The following FANCD2 variants were observed in gnomAD, a reference collection of about 807,000 sequenced individuals.
The protein encoded by FANCD2 is FA complementation group D2.
FANCD2 carries 131 observed loss-of-function variants against 192.3 expected under a neutral mutation model. That is an observed-to-expected ratio of 0.68 (90% CI 0.59 to 0.79). The LOEUF is 0.79. FANCD2 is among the 30% of genes least tolerant of loss of function. FANCD2 has a pLI of 0.00. For synonymous variants in FANCD2, 524 were observed against 612.5 expected, an observed-to-expected ratio of 0.86 and a Z score of 2.13; for missense variants, 1,508 against 1,701.6, an observed-to-expected ratio of 0.89 and a Z score of 2.00.
chr3:10,090,229 C>A (rs569719540), intron 36 of FANCD2, 63 bp from the exon 37 acceptor site: 1 of 1,246,862 alleles, frequency 8.0e-7, no homozygotes, highest in Non-Finnish European at 1.2e-6. Flanking sequence ...GTTCCTGGTT[C>A]TTCCCAGGTA....
rs760823688 is a variant in FANCD2, at chr3:10,088,495, T to G, written c.3513T>G (p.Asp1171Glu). ...QFLCRVWPSG[D>E]KEKSNISNDQ... The stretch of plus-strand genomic sequence containing the variant: ...TCTGTCGGGTGTGGCCAAGTGGGGA[T>G]AAAGAGAAGAGCAACATCTCTAATG... Residue 1171 changes from aspartate to glutamate, a missense_variant, in exon 35 of 44, where the codon GAT (aspartate) becomes GAG (glutamate). By Grantham distance (45) the Asp-to-Glu change is conservative. Coordinates refer to ENST00000675286, the MANE Select transcript of FANCD2 (RefSeq NM_001018115.3). 4 of 1,613,080 alleles carry G rather than the reference T, an allele frequency of 2.5e-6. No homozygotes were observed. The Admixed American group carries it at 6.7e-5, about 27-fold the overall frequency.
In FANCD2 at chr3:10,101,364, C is replaced by CT; in HGVS notation, c.*108dup. ...GTTTGCCTTTCTTACTGGTAGGATC[C>CT]TTTTTTGTTCCTCTTTTTTTTTTTT... On this transcript the variant is annotated 3_prime_UTR_variant, in exon 44 of 44. Coordinates refer to ENST00000675286, the MANE Select transcript of FANCD2 (RefSeq NM_001018115.3). 2 of 675,902 alleles carry CT rather than the reference C, an allele frequency of 3.0e-6. No individual in the cohort carries two copies. The highest frequency in any genetic ancestry group is 2.9e-5 in the Admixed American group (1 of 34,586). The allele number at this position is 675,902 out of a possible 1,614,324, so 41.9% of individuals were successfully genotyped here.
chr3:10,077,422 G>A (rs902212835), intron 29 of FANCD2, among the ~76,000 whole-genome samples: 2 of 152,106 alleles, frequency 1.3e-5, no homozygotes, highest in Non-Finnish European at 2.9e-5. Context: ...AGGCATGGTG[G>A]TGGGCACCTG....
intron 28 of FANCD2, among the ~76,000 whole-genome samples, 164 bp from the exon 29 acceptor site, chr3:10,074,366 G>T (rs1039792977): frequency 1.3e-5 from 2 of 152,196 alleles, no homozygotes; most frequent in Non-Finnish European, 2.9e-5. Flanking sequence ...TAGGTGCTCT[G>T]TCTTGGGAAT....
In FANCD2 at chr3:10,078,338, A is replaced by G. The variant is rs916159799; in HGVS notation, c.2976+141A>G. On this transcript the variant is annotated intron_variant, in intron 30 of 43. Coordinates refer to ENST00000675286, the MANE Select transcript of FANCD2 (RefSeq NM_001018115.3). ...GGGTGCAGCCGTATTGCCAGACAAT[A>G]TTCATCTTGCTTTATTTATTTATTT... is the stretch of plus-strand genomic sequence containing the variant. 4 of 684,892 alleles carry G rather than the reference A, an allele frequency of 5.8e-6. No homozygotes were observed. The Admixed American group carries it at 6.4e-5, about 11-fold the overall frequency. 42.4% of individuals were successfully genotyped at this position (684,892 alleles called of 1,614,324 possible). A position where few individuals can be genotyped will look rare whatever the true frequency, so the allele number is the denominator to read the frequency against.
chr3:10,093,739 C>G (rs1197039746), intron 39 of FANCD2, among the ~76,000 whole-genome samples: 1 of 152,066 alleles, frequency 6.6e-6, no homozygotes, highest in Admixed American at 6.6e-5. Context: ...CTGTATTAGC[C>G]CTAGATTTGA....
At chr3:10,048,407 G>T in intron 16 of FANCD2, among the ~76,000 whole-genome samples, 1 of 152,160 alleles carries the variant, frequency 6.6e-6, no homozygotes, top group Non-Finnish European at 1.5e-5. Context: ...GGGTTCAAGC[G>T]ATTCTCCTGT....
At position 10,036,086 on chromosome 3, in the gene FANCD2, C is replaced by CTTTTTTTTTTTTTTTTT. The variant is rs532765216; in HGVS notation, c.439-198_439-182dup. Among the ~76,000 whole-genome samples the CTTTTTTTTTTTTTTTTT allele has an allele frequency of 4.9e-3, 507 of 102,530 alleles. 56 individuals are homozygous for CTTTTTTTTTTTTTTTTT. Among genetic ancestry groups the CTTTTTTTTTTTTTTTTT allele is most frequent in the African/African-American group, 0.02 (472 of 23,946 alleles). The allele number at this position is 102,530 out of a possible 152,430, so 67.3% of individuals were successfully genotyped here. A position where few individuals can be genotyped will look rare whatever the true frequency, so the allele number is the denominator to read the frequency against. On this transcript the variant is annotated intron_variant, in intron 6 of 43. Coordinates refer to ENST00000675286, the MANE Select transcript of FANCD2 (RefSeq NM_001018115.3). Reference sequence around the variant, plus strand: ...TAGTTGGAAAGAGAATTATACATTTCTTTTTTTTTTTTTTTTTTTGAGTCA... The same window carrying CTTTTTTTTTTTTTTTTT: ...TAGTTGGAAAGAGAATTATACATTTCTTTTTTTTTTTTTTTTTTTTTTTTTTTTTTTTTTTTGAGTCA...
intron 7 of FANCD2, chr3:10,037,473 A>G (rs2086760717): frequency 6.6e-6 from 1 of 152,182 alleles, no homozygotes; most frequent in South Asian, 2.1e-4. Context: ...GATTTTGCAT[A>G]CCCTTTAATC....
intron 18 of FANCD2, among the ~76,000 whole-genome samples, chr3:10,055,944 T>A (rs1228351265): frequency 6.6e-6 from 1 of 152,206 alleles, no homozygotes; most frequent in East Asian, 1.9e-4. Context: ...AATGGCACAA[T>A]CTTGGCTTAC....
In FANCD2 at chr3:10,031,669, A is replaced by G. The variant is rs377737159; in HGVS notation, c.65-1163A>G. ...GTCTTGGGATTAAACCTATCTGAGC[A>G]TTGTAGTCAAAGATATGATACAAAG... On this transcript the variant is annotated intron_variant, in intron 2 of 43. Coordinates refer to ENST00000675286, the MANE Select transcript of FANCD2 (RefSeq NM_001018115.3). Among the ~76,000 whole-genome samples, 16 of 152,142 alleles carry G rather than the reference A, an allele frequency of 1.1e-4. 1 individual carries two copies. In the East Asian group the frequency reaches 1.5e-3, roughly 15 times the overall value.
chr3:10,089,065 C>T, intron 36 of FANCD2, 115 bp downstream of exon 36: 1 of 1,198,698 alleles, frequency 8.3e-7, no homozygotes, highest in Admixed American at 1.8e-5. Context: ...GGAGGATCAC[C>T]TTGAGGTCAG....
At chr3:10,073,159 G>C (rs1258661184) in intron 27 of FANCD2, 94 bp from the exon 28 acceptor site, 2 of 1,041,846 alleles carry the variant, frequency 1.9e-6, no homozygotes, top group Non-Finnish European at 3.0e-6. Flanking sequence ...TCTACCTCTA[G>C]GCAGTTTCCA....
intron 36 of FANCD2, among the ~76,000 whole-genome samples, chr3:10,089,721 G>A (rs1468670059): frequency 6.6e-6 from 1 of 152,164 alleles, no homozygotes; most frequent in Non-Finnish European, 1.5e-5. Context: ...GCCTGCCTCG[G>A]CCTCTCAAAG....
intron 37 of FANCD2, 121 bp downstream of exon 37, chr3:10,090,506 C>G (rs748337156): frequency 1.1e-5 from 7 of 635,730 alleles, no homozygotes; most frequent in Non-Finnish European, 1.8e-5. Flanking sequence ...GTTGCCCAGA[C>G]TGGAGTGCAG....
At chr3:10,089,736 G>A (rs1353990521) in intron 36 of FANCD2, among the ~76,000 whole-genome samples, 1 of 152,198 alleles carries the variant, frequency 6.6e-6, no homozygotes, top group Non-Finnish European at 1.5e-5. Context: ...TCAAAGTGCT[G>A]GGATTACAGG....
rs757623854 is a variant in FANCD2, at chr3:10,052,358, C to A, written c.1546-29C>A. ...TTAAGGGAAAAATGTTAGCTGCTAG[C>A]CTCATTGTTGGCATCATTTTTTCCA... On this transcript the variant is annotated intron_variant, in intron 17 of 43. Coordinates refer to ENST00000675286, the MANE Select transcript of FANCD2 (RefSeq NM_001018115.3). The A allele has an allele frequency of 3.7e-6, 5 of 1,341,974 alleles. No individual in the cohort carries two copies. In the East Asian group the frequency reaches 1.1e-4, roughly 31 times the overall value. The allele number at this position is 1,341,974 out of a possible 1,614,324, so 83.1% of individuals were successfully genotyped here.
intron 5 of FANCD2, 124 bp from the exon 6 acceptor site, chr3:10,035,049 T>C (rs1575735029): frequency 1.2e-6 from 1 of 815,954 alleles, no homozygotes; most frequent in East Asian, 2.6e-5. Context: ...TTTCTGTATT[T>C]CTTGTCTAAC....
At chr3:10,054,469 ATATATTTTTTTTTT>A (rs1215628652) in intron 18 of FANCD2, among the ~76,000 whole-genome samples, 2 of 22,442 alleles carry the variant, frequency 8.9e-5, no homozygotes, top group South Asian at 2.8e-3. Flanking sequence ...ATATATATAT[ATATATTTTTTTTTT>A]TTTTTTTTTT....
Sources: gnomAD v4.1 joint callset for allele counts (sites outside exome capture counted in the v4.1 genomes callset) on GRCh38, gnomAD v4.1.1 for gene constraint, MANE v1.5 for transcripts, NCBI Gene and HGNC (gene_info 2026-07-23, HGNC 2026-07-21) for gene names.